Variants in TECPR2 observed in about 807,000 individuals in gnomAD.
TECPR2 encodes the protein tectonin beta-propeller repeat-containing protein 2.
A neutral mutation model predicts 138.1 loss-of-function variants in TECPR2; 65 were observed. The ratio of observed to expected loss-of-function variants is 0.47; its 90% CI spans 0.39 to 0.58. TECPR2 has a LOEUF of 0.58. Ranked by LOEUF, TECPR2 falls within the 20% of genes least tolerant of loss-of-function variation. TECPR2 has a pLI of 0.00. For missense variants in TECPR2, 1,553 were observed against 1,824.5 expected, an observed-to-expected ratio of 0.85 and a Z score of 2.71; for synonymous variants, 746 against 749.8, an observed-to-expected ratio of 0.99 and a Z score of 0.08.
At chr14:102,428,225 T>TG in intron 6 of TECPR2, 25 bp from the exon 7 acceptor site, 1 of 943,348 alleles carries the variant, frequency 1.1e-6, no homozygotes, top group Non-Finnish European at 1.4e-6. Flanking sequence ...GTTTTTTGTT[T>TG]TTTTTTTTTT....
At chr14:102,446,211 C>T (rs926203865) in intron 13 of TECPR2, among the ~76,000 whole-genome samples, 1 of 151,968 alleles carries the variant, frequency 6.6e-6, no homozygotes, top group African/African-American at 2.4e-5. Flanking sequence ...GGACTACAGG[C>T]GTGTGCCACC....
intron 2 of TECPR2, among the ~76,000 whole-genome samples, chr14:102,382,295 A>G (rs1007697356): frequency 2.0e-5 from 3 of 149,002 alleles, no homozygotes; most frequent in Non-Finnish European, 1.5e-5. Flanking sequence ...CTCCGTCCCA[A>G]AAAAAAAAAA....
intron 17 of TECPR2, among the ~76,000 whole-genome samples, chr14:102,468,436 C>G (rs1205387148): frequency 6.6e-6 from 1 of 152,224 alleles, no homozygotes; most frequent in African/African-American, 2.4e-5. Flanking sequence ...ATCCGCCTAC[C>G]TGGGTCTCCC....
intron 8 of TECPR2, among the ~76,000 whole-genome samples, chr14:102,433,564 A>T (rs1193351149): frequency 1.3e-5 from 2 of 152,060 alleles, no homozygotes; most frequent in African/African-American, 4.8e-5. Flanking sequence ...GTTGTCACCC[A>T]GGCTAGAGTG....
At chr14:102,453,898 C>T (rs972835635) in intron 16 of TECPR2, among the ~76,000 whole-genome samples, 10 of 151,934 alleles carry the variant, frequency 6.6e-5, no homozygotes, top group Non-Finnish European at 1.5e-4. Context: ...CCTATAATCC[C>T]AGCACTTTGG....
rs1890960898 is a variant in TECPR2 at position 102,483,981 on chromosome 14, GAGA to G, written c.3790-12997_3790-12995del. ...CTGGCTGATTCTTATATTTTCAGTA[GAGA>G]CAAGGTTTCACCATGTTTGCCAGGC... is the stretch of plus-strand genomic sequence containing the variant. On this transcript the variant is annotated intron_variant, in intron 17 of 19. Coordinates refer to ENST00000359520, the MANE Select transcript of TECPR2 (RefSeq NM_014844.5). Among the ~76,000 whole-genome samples the G allele has an allele frequency of 6.8e-5, 5 of 74,020 alleles. 1 individual carries two copies. The highest frequency in any genetic ancestry group is 6.8e-5 in the African/African-American group (1 of 14,708). 48.6% of individuals were successfully genotyped at this position (74,020 alleles called of 152,430 possible). A position where few individuals can be genotyped will look rare whatever the true frequency, so the allele number is the denominator to read the frequency against.
Position 102,376,860 on chromosome 14 carries a change from T to C in TECPR2, c.139T>C (p.Tyr47His), listed in dbSNP as rs1337489468. 8 of 1,614,054 alleles carry C rather than the reference T, an allele frequency of 5.0e-6. No individual in the cohort carries two copies. Among genetic ancestry groups the C allele is most frequent in the Non-Finnish European group, 5.9e-6 (7 of 1,180,054 alleles). ...YLTALDTNGD[Y>H]IAVGSSIGML... is the part of the protein sequence containing the mutation. Reference sequence around the variant, plus strand: ...CACGGCCCTCGACACCAACGGGGACTACATCGCGGTGGGCAGCAGCATCGG... The same window carrying C: ...CACGGCCCTCGACACCAACGGGGACCACATCGCGGTGGGCAGCAGCATCGG... The change falls in exon 2 of 20, where the codon TAC becomes CAC. Residue 47 changes from tyrosine (Y) to histidine (H), a missense_variant. Tyr to His is a moderately conservative substitution (Grantham distance 83, BLOSUM62 2). Transcript: ENST00000359520.
intron 17 of TECPR2, among the ~76,000 whole-genome samples, chr14:102,466,231 C>T (rs1273584044): frequency 6.6e-6 from 1 of 152,098 alleles, no homozygotes; most frequent in Admixed American, 6.6e-5. Flanking sequence ...GCATTCGGCT[C>T]CAGAGCTCTG....
At position 102,443,426 on chromosome 14, in the gene TECPR2, G is replaced by A. The variant is rs1485326357; in HGVS notation, c.2753-221G>A. 6.6e-6 allele frequency among the ~76,000 whole-genome samples: 1 copy of A among 152,130 alleles called. No homozygotes were observed. The highest frequency in any genetic ancestry group is 2.4e-5 in the African/African-American group (1 of 41,396). ...AGCACTTTGGGAGGCTGAGGTGGGA[G>A]GATCTCTTGAGCCCAGGAGTTTGAG... is the stretch of plus-strand genomic sequence containing the variant. On this transcript the variant is annotated intron_variant, in intron 11 of 19. Transcript: ENST00000359520. This position sits in a 1 kb window ranked among gnomAD's most constrained non-coding sequence, Gnocchi z 4.9.
chr14:102,480,407 G>C (rs1447957189), intron 17 of TECPR2, among the ~76,000 whole-genome samples: 1 of 151,982 alleles, frequency 6.6e-6, no homozygotes, highest in Non-Finnish European at 1.5e-5. Context: ...TGTGTTTTTA[G>C]TAGAGATGGG....
intron 5 of TECPR2, among the ~76,000 whole-genome samples, chr14:102,423,649 A>G (rs1038805093): frequency 7.9e-5 from 12 of 152,158 alleles, no homozygotes; most frequent in African/African-American, 2.7e-4. Context: ...AGTACGCTCT[A>G]TGATGTTCAC....
At chr14:102,482,664 G>A (rs1216972735) in intron 17 of TECPR2, among the ~76,000 whole-genome samples, 6 of 152,066 alleles carry the variant, frequency 3.9e-5, no homozygotes, top group Non-Finnish European at 8.8e-5. Flanking sequence ...AAGGGTTCAT[G>A]GTTGGTGACT....
intron 2 of TECPR2, among the ~76,000 whole-genome samples, chr14:102,391,745 C>G (rs1888183056): frequency 6.6e-6 from 1 of 152,128 alleles, no homozygotes; most frequent in Admixed American, 6.6e-5. Context: ...CCCCATTACC[C>G]ACTATACATG....
At chr14:102,436,994 ACT>A (rs1326018118) in intron 9 of TECPR2, 1 of 985,126 alleles carries the variant, frequency 1.0e-6, no homozygotes, top group East Asian at 1.1e-4. Context: ...TGAGCCCCTG[ACT>A]CTCTAACTTC....
intron 2 of TECPR2, among the ~76,000 whole-genome samples, chr14:102,383,398 C>CT (rs1567317538): frequency 6.6e-6 from 1 of 151,218 alleles, no homozygotes; most frequent in African/African-American, 2.4e-5. Flanking sequence ...ATTGTATTGT[C>CT]TTTTTTGTTT....
At chr14:102,456,821 C>T (rs1890287371) in intron 16 of TECPR2, among the ~76,000 whole-genome samples, 1 of 151,892 alleles carries the variant, frequency 6.6e-6, no homozygotes, top group Non-Finnish European at 1.5e-5. Context: ...GATCTCCTGA[C>T]CTCGTGATCT....
Position 102,445,971 on chromosome 14 carries a change from G to A in TECPR2, c.3075+24G>A, listed in dbSNP as rs780840229. On this transcript the variant is annotated intron_variant, in intron 13 of 19. Coordinates refer to ENST00000359520, the MANE Select transcript of TECPR2 (RefSeq NM_014844.5). ...AAGTAGGTGTTCAGCTCTGCGCCAC[G>A]TGCCGAGGTCTCCCGACCTTTTCTG... The A allele has an allele frequency of 5.0e-6, 8 of 1,597,590 alleles. No individual in the cohort carries two copies. The Admixed American group carries it at 8.5e-5, about 17-fold the overall frequency.
rs531016319 is a variant in TECPR2, at chr14:102,498,916, G to T, written c.*659G>T. 4 of 683,006 alleles carry T rather than the reference G, an allele frequency of 5.9e-6. 1 individual carries two copies. Among genetic ancestry groups the T allele is most frequent in the South Asian group, 3.0e-5 (2 of 66,458 alleles). 42.3% of individuals were successfully genotyped at this position (683,006 alleles called of 1,614,324 possible). On this transcript the variant is annotated 3_prime_UTR_variant, in exon 20 of 20. Transcript: ENST00000359520. ...ACAGCACACCTCACCACACCACACC[G>T]CACTGCACCATACCTCACCACATCT...
Position 102,443,645 on chromosome 14 carries a change from A to C in TECPR2, c.2753-2A>C. Reference sequence around the variant, plus strand: ...TGGGGCTTCTTCCCATCTTCCTGGCAGGTCTGAGCGTGGATCGCCCTTGTG... The same window carrying C: ...TGGGGCTTCTTCCCATCTTCCTGGCCGGTCTGAGCGTGGATCGCCCTTGTG... On this transcript the variant is annotated splice_acceptor_variant, in intron 11 of 19. Transcript: ENST00000359520. LOFTEE classifies it high-confidence loss of function. This position sits in a 1 kb window ranked among gnomAD's most constrained non-coding sequence, Gnocchi z 4.9. 6.4e-7 allele frequency: 1 copy of C among 1,558,200 alleles called. No individual in the cohort carries two copies.
Sources: gnomAD v4.1 joint callset for allele counts (sites outside exome capture counted in the v4.1 genomes callset) on GRCh38, gnomAD v4.1.1 for gene constraint, Gnocchi (gnomAD v3.1) non-coding constraint, MANE v1.5 for transcripts, NCBI Gene and HGNC (gene_info 2026-07-23, HGNC 2026-07-21) for gene names.